PTPRF: variants seen among roughly 807,000 people sequenced by gnomAD.
PTPRF encodes receptor-type tyrosine-protein phosphatase F.
A neutral mutation model predicts 201.8 loss-of-function variants in PTPRF; 59 were observed. That is an observed-to-expected ratio of 0.29 (90% CI 0.24 to 0.36). PTPRF has a LOEUF of 0.36. PTPRF is among the 10% of genes least tolerant of loss of function. The probability of loss-of-function intolerance (pLI) is 1.00; values close to 1 mark genes in which losing one functional copy is unlikely to be tolerated. For missense variants in PTPRF, 2,132 were observed against 2,690.5 expected, an observed-to-expected ratio of 0.79 and a Z score of 4.59; for synonymous variants, 1,088 against 1,089.7, an observed-to-expected ratio of 1.00 and a Z score of 0.03.
rs752802502 is a variant in PTPRF, at chr1:43,605,593, A to G, written c.3454A>G (p.Ser1152Gly). 1 of 1,614,066 alleles carries G rather than the reference A, an allele frequency of 6.2e-7. No individual in the cohort carries two copies. The highest frequency in any genetic ancestry group is 1.7e-5 in the Admixed American group (1 of 60,018). Residue 1152 changes from serine (S) to glycine (G), a missense_variant, in exon 19 of 34, where the codon AGC becomes GGC. Physicochemically the swap from Ser to Gly is moderately conservative, Grantham distance 56 (BLOSUM62 0). This residue lies in a region of PTPRF where 818 missense variants were observed against 915.3 expected (regional missense o/e 0.89). Coordinates refer to ENST00000359947, the MANE Select transcript of PTPRF (RefSeq NM_002840.5). The part of the protein sequence containing the change: ...VGGSMLTPRW[S>G]TPEELELDEL... ...CGGGAGCATGCTGACGCCAAGGTGG[A>G]GCACACCCGAGGAACTGGAGCTGGA... is the stretch of plus-strand genomic sequence containing the variant.
Position 43,606,422 on chromosome 1 carries a change from C to T in PTPRF, c.3666C>T (p.Cys1222=), listed in dbSNP as rs540994566. 5.0e-6 allele frequency: 8 copies of T among 1,614,150 alleles called. No individual in the cohort carries two copies. In the Admixed American group the frequency reaches 8.3e-5, roughly 17 times the overall value. ...TGTCTCCGGACTTGAGCTACCAGTG[C>T]TTTGTGCTTGCCTCCTTGAAGGAAC... ...RPLSPDLSYQ[C]FVLASLKEPM... The change falls in exon 20 of 34, where the codon TGC becomes TGT. Residue 1222 remains cysteine, a synonymous_variant. Coordinates refer to ENST00000359947, the MANE Select transcript of PTPRF (RefSeq NM_002840.5).
At chr1:43,562,531 G>A (rs577507510) in intron 5 of PTPRF, among the ~76,000 whole-genome samples, 8 of 151,780 alleles carry the variant, frequency 5.3e-5, no homozygotes, top group Admixed American at 2.0e-4. Context: ...TCAGCCTCCC[G>A]AATAGCTTGG....
intron 11 of PTPRF, among the ~76,000 whole-genome samples, chr1:43,593,126 C>T (rs1385412112): frequency 6.6e-6 from 1 of 152,228 alleles, no homozygotes; most frequent in African/African-American, 2.4e-5. Flanking sequence ...GCCATGTGAC[C>T]CAGCCTGCCC....
At chr1:43,579,154 G>A in intron 7 of PTPRF, 1 of 695,934 alleles carries the variant, frequency 1.4e-6, no homozygotes, top group Non-Finnish European at 2.7e-6. Flanking sequence ...GCCACTCTTG[G>A]GAGCATTTGT....
intron 22 of PTPRF, 95 bp downstream of exon 22, chr1:43,609,593 G>A: frequency 1.2e-6 from 1 of 839,674 alleles, no homozygotes; most frequent in Admixed American, 2.3e-5. Context: ...GAAGTTCCTG[G>A]GCCGCATGCA....
chr1:43,523,075 G>A (rs1284429114), upstream of PTPRF, among the ~76,000 whole-genome samples: 1 of 152,202 alleles, frequency 6.6e-6, no homozygotes, highest in Non-Finnish European at 1.5e-5. Context: ...GTACAGATTA[G>A]AGAGGTGCTC....
chr1:43,604,159 A>G lies in PTPRF; in HGVS notation c.3007A>G (p.Ile1003Val). The G allele has an allele frequency of 6.2e-7, 1 of 1,614,128 alleles. No homozygotes were observed. The highest frequency in any genetic ancestry group is 8.5e-7 in the Non-Finnish European group (1 of 1,180,036). ...SKGSGPLSPS[I>V]QSRTMPVEQV... is the part of the protein sequence containing the mutation. ...AGGCTCTGGCCCACTCAGCCCCAGCATCCAGTCCCGGACCATGCCGGTGGA... is the reference window on the plus strand; with the variant it reads ...AGGCTCTGGCCCACTCAGCCCCAGCGTCCAGTCCCGGACCATGCCGGTGGA... The change falls in exon 16 of 34, where the codon ATC becomes GTC. Residue 1003 changes from isoleucine (I) to valine (V), a missense_variant. By Grantham distance (29) the Ile-to-Val change is conservative. Coordinates refer to ENST00000359947, the MANE Select transcript of PTPRF (RefSeq NM_002840.5).
At chr1:43,525,107 G>A (rs1490060504), upstream of PTPRF, 4 of 152,266 alleles carry the variant, frequency 2.6e-5, no homozygotes, top group Non-Finnish European at 4.4e-5. Context: ...ATTGACAAGA[G>A]TGTTATTAAA....
chr1:43,548,534 G>C (rs1000478975), intron 3 of PTPRF, among the ~76,000 whole-genome samples: 3 of 152,092 alleles, frequency 2.0e-5, no homozygotes, highest in African/African-American at 4.8e-5. Context: ...TTCTCTCTCT[G>C]GGCCTGTTTT....
chr1:43,569,111 G>T (rs1432695897), intron 5 of PTPRF, among the ~76,000 whole-genome samples: 1 of 152,238 alleles, frequency 6.6e-6, no homozygotes, highest in Non-Finnish European at 1.5e-5. Flanking sequence ...AGAGCTGAAG[G>T]CTGGATGAAG....
chr1:43,534,961 AT>A (rs1344685070), intron 1 of PTPRF, among the ~76,000 whole-genome samples: 2 of 152,240 alleles, frequency 1.3e-5, no homozygotes, highest in Non-Finnish European at 2.9e-5. Flanking sequence ...TAAAGATAGT[AT>A]GCATAAAGTG....
upstream of PTPRF, among the ~76,000 whole-genome samples, chr1:43,525,762 G>A (rs945583701): frequency 1.6e-5 from 2 of 124,968 alleles, no homozygotes; most frequent in East Asian, 2.5e-4. Context: ...CCGAGATGGC[G>A]CCACTGCCCT....
At position 43,578,931 on chromosome 1, in the gene PTPRF, A is replaced by C; in HGVS notation, c.679+11A>C. ...ACCTGTATGTGCGAGGTAAGGACTC[A>C]GGCAGTGCCTGGCCCCTGTCACCAC... On this transcript the variant is annotated intron_variant, in intron 7 of 33. Transcript: ENST00000359947. The C allele has an allele frequency of 1.2e-6, 2 of 1,612,954 alleles. No homozygotes were observed. The highest frequency in any genetic ancestry group is 2.2e-5 in the South Asian group (2 of 91,048).
At chr1:43,545,745 C>G (rs1644626619) in intron 3 of PTPRF, among the ~76,000 whole-genome samples, 1 of 152,156 alleles carries the variant, frequency 6.6e-6, no homozygotes, top group Admixed American at 6.5e-5. Context: ...CTCCTCAGAC[C>G]TGGAAATGGG....
chr1:43,540,960 C>G (rs1570925755), intron 2 of PTPRF, among the ~76,000 whole-genome samples: 1 of 152,272 alleles, frequency 6.6e-6, no homozygotes, highest in East Asian at 1.9e-4. Context: ...GCGGCCGCTG[C>G]TGCAGTGCCA....
At chr1:43,604,856 C>T (rs750292909) in intron 16 of PTPRF, 47 bp from the exon 17 acceptor site, 3 of 1,541,142 alleles carry the variant, frequency 1.9e-6, no homozygotes, top group Non-Finnish European at 2.7e-6. Context: ...GCCCATTCAC[C>T]CCACCTCATA....
rs1645144225 is a variant in PTPRF at position 43,553,252 on chromosome 1, T to C, written c.92-240T>C. ...AGCTGTGTCATATGGGACAAATCCCTTAACCTCTCTGGGCCTCTAGAAACA... is the reference window on the plus strand; with the variant it reads ...AGCTGTGTCATATGGGACAAATCCCCTAACCTCTCTGGGCCTCTAGAAACA... On this transcript the variant is annotated intron_variant, in intron 3 of 33. Transcript: ENST00000359947. The surrounding 1 kb of genome is among the most constrained non-coding windows in gnomAD (Gnocchi z 4.1). Among the ~76,000 whole-genome samples the C allele has an allele frequency of 6.6e-6, 1 of 152,232 alleles. No individual in the cohort carries two copies. Among genetic ancestry groups the C allele is most frequent in the African/African-American group, 2.4e-5 (1 of 41,450 alleles).
chr1:43,566,706 G>A (rs1284148126), intron 5 of PTPRF, among the ~76,000 whole-genome samples: 3 of 152,202 alleles, frequency 2.0e-5, no homozygotes, highest in Non-Finnish European at 4.4e-5. Flanking sequence ...GCAGCAAGTC[G>A]CTCCTGAGGG....
At chr1:43,581,221 A>G (rs1316864953) in intron 7 of PTPRF, among the ~76,000 whole-genome samples, 1 of 152,138 alleles carries the variant, frequency 6.6e-6, no homozygotes, top group Non-Finnish European at 1.5e-5. Context: ...CCCTAACTCT[A>G]CCAGCTCTTC....
Sources: allele counts gnomAD v4.1 joint callset (sites outside exome capture counted in the v4.1 genomes callset), GRCh38; gene constraint gnomAD v4.1.1; regional missense constraint gnomAD v4.1.1; non-coding constraint Gnocchi (gnomAD v3.1); transcripts MANE v1.5; gene names NCBI Gene and HGNC (gene_info 2026-07-23, HGNC 2026-07-21).